USP3: variants seen among roughly 807,000 people sequenced by gnomAD.
USP3 encodes ubiquitin specific peptidase 3, also known as ubiquitin carboxyl-terminal hydrolase 3.
USP3 carries 20 observed loss-of-function variants against 72.3 expected under a neutral mutation model. The ratio of observed to expected loss-of-function variants is 0.28; its 90% CI spans 0.19 to 0.40. USP3 has a LOEUF of 0.40. USP3 is among the 10% of genes least tolerant of loss of function. The pLI is 1.00. For synonymous variants in USP3, 222 were observed against 225.3 expected (o/e 0.99, Z 0.13); for missense variants, 479 against 633.9 (o/e 0.76, Z 2.62).
At chr15:63,527,326 C>T (rs1230979397) in intron 1 of USP3, among the ~76,000 whole-genome samples, 1 of 152,232 alleles carries the variant, frequency 6.6e-6, no homozygotes, top group Non-Finnish European at 1.5e-5. Flanking sequence ...AGAGCCAGAA[C>T]TAGAATCCCG....
chr15:63,567,051 A>G (rs1213116283), intron 8 of USP3, among the ~76,000 whole-genome samples: 1 of 152,232 alleles, frequency 6.6e-6, no homozygotes, highest in Non-Finnish European at 1.5e-5. Context: ...AAGACACAGA[A>G]AATAGTAATG....
At chr15:63,557,073 G>A (rs1022089408) in intron 5 of USP3, 1 of 175,014 alleles carries the variant, frequency 5.7e-6, no homozygotes, top group Admixed American at 5.9e-5. Flanking sequence ...AGCTTCAGGC[G>A]GCTTTTCCTT....
At chr15:63,538,713 T>A (rs1271557320) in intron 3 of USP3, among the ~76,000 whole-genome samples, 1 of 151,150 alleles carries the variant, frequency 6.6e-6, no homozygotes, top group African/African-American at 2.5e-5. Context: ...TCCCGGCTAA[T>A]TTTTTTGTAT....
chr15:63,532,260 T>C (rs1204977017), intron 1 of USP3, among the ~76,000 whole-genome samples: 1 of 152,232 alleles, frequency 6.6e-6, no homozygotes, highest in African/African-American at 2.4e-5. Flanking sequence ...TAGTGGTCTA[T>C]GACCTACATG....
intron 11 of USP3, among the ~76,000 whole-genome samples, chr15:63,576,073 G>A (rs756248789): frequency 2.1e-5 from 3 of 145,918 alleles, no homozygotes; most frequent in South Asian, 2.2e-4. Flanking sequence ...TGTAACCTCC[G>A]CCTCCCAGGT....
intron 1 of USP3, among the ~76,000 whole-genome samples, chr15:63,524,841 T>C (rs1047185315): frequency 1.3e-5 from 2 of 152,120 alleles, no homozygotes; most frequent in African/African-American, 4.8e-5. Context: ...CAGGTTGACA[T>C]AGAATCACTT....
chr15:63,538,068 A>G (rs1049621536), intron 3 of USP3, among the ~76,000 whole-genome samples: 2 of 151,526 alleles, frequency 1.3e-5, no homozygotes, highest in African/African-American at 2.4e-5. Context: ...ATTCATGTCT[A>G]TTTCATATAA....
chr15:63,512,191 C>T (rs2065792602), intron 1 of USP3, among the ~76,000 whole-genome samples: 1 of 151,938 alleles, frequency 6.6e-6, no homozygotes. Flanking sequence ...CTGCCTTGGC[C>T]TCCCAAAGTG....
chr15:63,555,048 C>G (rs1418292798), intron 4 of USP3, among the ~76,000 whole-genome samples: 3 of 152,126 alleles, frequency 2.0e-5, no homozygotes, highest in African/African-American at 7.2e-5. Context: ...CTGAAATAAT[C>G]AGAACTAAGT....
intron 9 of USP3, among the ~76,000 whole-genome samples, chr15:63,572,783 A>G (rs756337393): frequency 1.3e-5 from 2 of 152,222 alleles, no homozygotes; most frequent in Admixed American, 6.5e-5. Flanking sequence ...CCGTAAGTGC[A>G]CGAAGGCTAA....
chr15:63,530,293 CCCTT>C (rs1341953991), intron 1 of USP3, among the ~76,000 whole-genome samples: 8 of 132,504 alleles, frequency 6.0e-5, no homozygotes, highest in African/African-American at 8.3e-5. Flanking sequence ...CTCCTTCCCT[CCCTT>C]CCTTCCTTCC....
rs762903584 is a variant in USP3 at position 63,588,828 on chromosome 15, C to T, written c.1329+13C>T. 3 of 1,612,462 alleles carry T rather than the reference C, an allele frequency of 1.9e-6. No homozygotes were observed. The African/African-American group carries it at 4.0e-5, about 22-fold the overall frequency. On this transcript the variant is annotated intron_variant, in intron 13 of 14. Transcript: ENST00000380324. This position sits in a 1 kb window ranked among gnomAD's most constrained non-coding sequence, Gnocchi z 4.6. ...CTACTTACTAGAGGTAAGGTGGTTA[C>T]CTTTTTAGCATGGTGAAAAAATGGC...
At chr15:63,505,361 C>T (rs563692889) in intron 1 of USP3, among the ~76,000 whole-genome samples, 15 of 152,344 alleles carry the variant, frequency 9.8e-5, no homozygotes, top group African/African-American at 3.1e-4. Context: ...TTTCCTTTCC[C>T]TTCTCCGCAG....
chr15:63,509,276 T>C (rs549769929), intron 1 of USP3, among the ~76,000 whole-genome samples: 2 of 152,328 alleles, frequency 1.3e-5, no homozygotes, highest in Non-Finnish European at 2.9e-5. Context: ...AAGTGCCTAA[T>C]ACTTAATAGA....
intron 3 of USP3, among the ~76,000 whole-genome samples, chr15:63,546,756 T>C (rs553039851): frequency 5.9e-5 from 9 of 152,186 alleles, no homozygotes; most frequent in East Asian, 1.9e-4. Context: ...CCCGCCACCA[T>C]GCCCGGCTAA....
At chr15:63,542,040 T>A (rs1262544638) in intron 3 of USP3, 1 of 985,114 alleles carries the variant, frequency 1.0e-6, no homozygotes, top group East Asian at 1.1e-4. Context: ...GTATGATTAT[T>A]CCTCCTTGTT....
intron 14 of USP3, among the ~76,000 whole-genome samples, chr15:63,589,743 A>G (rs1224744967): frequency 6.6e-6 from 1 of 152,136 alleles, no homozygotes; most frequent in African/African-American, 2.4e-5. Context: ...ATGCATAGTG[A>G]ATTTCCTGGA....
chr15:63,550,243 C>T (rs911578110), intron 3 of USP3, among the ~76,000 whole-genome samples: 18 of 152,216 alleles, frequency 1.2e-4, no homozygotes, highest in Admixed American at 5.9e-4. Context: ...TGGTCTTGAT[C>T]TCTTTACCTT....
At chr15:63,575,158 G>GTTTT (rs11321018) in intron 11 of USP3, among the ~76,000 whole-genome samples, 3 of 121,490 alleles carry the variant, frequency 2.5e-5, no homozygotes, top group Admixed American at 8.3e-5. Context: ...TGTCATGATG[G>GTTTT]TTTTTTTTTT....
Sources: allele counts gnomAD v4.1 joint callset (sites outside exome capture counted in the v4.1 genomes callset), GRCh38; gene constraint gnomAD v4.1.1; non-coding constraint Gnocchi (gnomAD v3.1); transcripts MANE v1.5; gene names NCBI Gene and HGNC (gene_info 2026-07-23, HGNC 2026-07-21).